The following DMD variants were observed in gnomAD, a reference collection of about 807,000 sequenced individuals.
The protein encoded by DMD is dystrophin, also known as mutant dystrophin.
In DMD, 63 loss-of-function variants were observed where a neutral mutation model predicts 330.1. That is an observed-to-expected ratio of 0.19 (90% confidence interval 0.16 to 0.24). The LOEUF (loss-of-function observed/expected upper bound fraction) is 0.24. Ranked by LOEUF, DMD falls within the 10% of genes least tolerant of loss-of-function variation. The pLI is 1.00. For missense variants in DMD, 3,344 were observed against 2,684.1 expected (o/e 1.25, Z -5.43); for synonymous variants, 1,223 against 959.8 (o/e 1.27, Z -5.07).
chrX:33,030,848 T>C (rs1049096830), intron 1 of DMD, among the ~76,000 whole-genome samples: 1 of 111,720 alleles, frequency 9.0e-6, no homozygotes, highest in Non-Finnish European at 1.9e-5. Flanking sequence ...AATACTTCTT[T>C]GCAAACCAAA....
At chrX:32,271,160 G>C (rs2148349707) in intron 43 of DMD, among the ~76,000 whole-genome samples, 1 of 111,410 alleles carries the variant, frequency 9.0e-6, no homozygotes. Flanking sequence ...CTATAATTTT[G>C]AATATTACAG....
chrX:32,764,281 A>G (rs1048153887), intron 7 of DMD, among the ~76,000 whole-genome samples: 5 of 111,409 alleles, frequency 4.5e-5, no homozygotes, highest in Non-Finnish European at 1.9e-5. Context: ...AAGAAAGCTT[A>G]TAGGTTTTTA....
intron 7 of DMD, among the ~76,000 whole-genome samples, chrX:32,799,826 C>T (rs2076421235): frequency 9.0e-6 from 1 of 110,899 alleles, no homozygotes; most frequent in Non-Finnish European, 1.9e-5. Context: ...CTTATTTTTG[C>T]ATATGTTAGC....
intron 55 of DMD, among the ~76,000 whole-genome samples, chrX:31,593,617 C>T (rs2076976086): frequency 9.0e-6 from 1 of 110,643 alleles, no homozygotes; most frequent in African/African-American, 3.3e-5. Context: ...AAGAATTCCC[C>T]ATGCCTCGTC....
At chrX:31,687,424 G>C (rs1171104444) in intron 52 of DMD, among the ~76,000 whole-genome samples, 2 of 110,983 alleles carry the variant, frequency 1.8e-5, no homozygotes, top group African/African-American at 6.6e-5. Context: ...CCTTGGGCCA[G>C]AGGGGAGCCC....
chrX:31,188,472 T>A (rs1367022318), intron 67 of DMD, among the ~76,000 whole-genome samples: 2 of 112,145 alleles, frequency 1.8e-5, no homozygotes, highest in African/African-American at 6.5e-5. Flanking sequence ...TTGAGATACA[T>A]ATAAGTCTCA....
intron 47 of DMD, among the ~76,000 whole-genome samples, chrX:31,922,534 G>A (rs1011975887): frequency 3.6e-5 from 4 of 110,232 alleles, no homozygotes; most frequent in African/African-American, 9.9e-5. Context: ...GTGCGCGCGC[G>A]TGCGCTAGGG....
chrX:32,598,608 A>T (rs1008391755), intron 12 of DMD, among the ~76,000 whole-genome samples: 4 of 112,065 alleles, frequency 3.6e-5, no homozygotes, highest in African/African-American at 1.3e-4. Flanking sequence ...AATATATTTT[A>T]CTTAAGAAGT....
chrX:32,012,425 AC>A (rs1394720511), intron 44 of DMD, among the ~76,000 whole-genome samples: 1 of 110,655 alleles, frequency 9.0e-6, no homozygotes, highest in Non-Finnish European at 1.9e-5. Context: ...TGCCTCAGTC[AC>A]CCCCTAGGTG....
chrX:32,433,704 C>T (rs2098248116), intron 29 of DMD, among the ~76,000 whole-genome samples: 1 of 111,391 alleles, frequency 9.0e-6, no homozygotes, highest in Non-Finnish European at 1.9e-5. Flanking sequence ...AAAACAAAAA[C>T]CACCATGTAT....
At chrX:31,390,684 C>T (rs989244154) in intron 60 of DMD, among the ~76,000 whole-genome samples, 4 of 111,502 alleles carry the variant, frequency 3.6e-5, no homozygotes, top group Non-Finnish European at 7.5e-5. Flanking sequence ...TTTCCATTGC[C>T]GCCATCTTAC....
intron 37 of DMD, among the ~76,000 whole-genome samples, chrX:32,352,199 A>G (rs2097783969): frequency 9.0e-6 from 1 of 110,660 alleles, no homozygotes. Flanking sequence ...ATGAGGATGT[A>G]TTCAGTCACA....
At chrX:32,861,905 A>G (rs940896861) in intron 2 of DMD, among the ~76,000 whole-genome samples, 1 of 111,821 alleles carries the variant, frequency 8.9e-6, no homozygotes, top group African/African-American at 3.2e-5. Flanking sequence ...AATGCCAGGG[A>G]TGTCCATATC....
intron 52 of DMD, among the ~76,000 whole-genome samples, chrX:31,701,789 C>T (rs771910541): frequency 1.8e-5 from 2 of 112,379 alleles, no homozygotes; most frequent in Non-Finnish European, 3.8e-5. Context: ...CACCTGATAA[C>T]TTGTTAGAAA....
intron 57 of DMD, among the ~76,000 whole-genome samples, chrX:31,495,625 C>T (rs982288062): frequency 5.4e-5 from 6 of 111,962 alleles, no homozygotes; most frequent in Non-Finnish European, 9.4e-5. Flanking sequence ...AAAATTGAAA[C>T]GTATTTTGCT....
intron 60 of DMD, among the ~76,000 whole-genome samples, chrX:31,376,044 C>G (rs1001577317): frequency 3.6e-5 from 4 of 111,503 alleles, no homozygotes; most frequent in African/African-American, 9.8e-5. Flanking sequence ...CTGGATATTA[C>G]GTCTCCGTAA....
At chrX:32,483,362 G>GGGAT (rs776857065) in intron 21 of DMD, among the ~76,000 whole-genome samples, 1 of 105,674 alleles carries the variant, frequency 9.5e-6, no homozygotes, top group Non-Finnish European at 1.9e-5. Flanking sequence ...AAAGATGATA[G>GGGAT]GGATGGATGG....
intron 29 of DMD, among the ~76,000 whole-genome samples, chrX:32,419,966 T>A (rs780427902): frequency 8.9e-6 from 1 of 112,070 alleles, no homozygotes; most frequent in South Asian, 3.8e-4. Flanking sequence ...TCCTCATGGG[T>A]AGACAAGTGA....
At chrX:33,074,636 G>A (rs1369104005) in intron 1 of DMD, among the ~76,000 whole-genome samples, 1 of 110,661 alleles carries the variant, frequency 9.0e-6, no homozygotes, top group Non-Finnish European at 1.9e-5. Flanking sequence ...TGGCACTGGT[G>A]GCTTGATAAG....
Sources: gnomAD v4.1 joint callset for allele counts (sites outside exome capture counted in the v4.1 genomes callset) on GRCh38, gnomAD v4.1.1 for gene constraint, MANE v1.5 for transcripts, NCBI Gene and HGNC (gene_info 2026-07-23, HGNC 2026-07-21) for gene names.